The following AP1S3 variants were observed in gnomAD, a reference collection of about 807,000 sequenced individuals.
AP1S3 encodes the protein adaptor related protein complex 1 subunit sigma 3.
AP1S3 carries 10 observed loss-of-function variants against 20.9 expected under a neutral mutation model. That is an observed-to-expected ratio of 0.48 (90% CI 0.29 to 0.81). The LOEUF is 0.81. AP1S3 is among the 30% of genes least tolerant of loss of function. AP1S3 has a pLI of 0.08. For missense variants in AP1S3, 154 were observed against 183.8 expected (o/e 0.84, Z 0.94); for synonymous variants, 41 against 61.5 (o/e 0.67, Z 1.56).
chr2:223,800,227 A>G (rs1691434781), intron 1 of AP1S3, among the ~76,000 whole-genome samples: 1 of 151,814 alleles, frequency 6.6e-6, no homozygotes, highest in African/African-American at 2.4e-5. Context: ...AAAAAAAAAA[A>G]AAGAAAAAAA....
At chr2:223,770,714 C>G (rs1444553122) in intron 3 of AP1S3, among the ~76,000 whole-genome samples, 1 of 144,864 alleles carries the variant, frequency 6.9e-6, no homozygotes, top group African/African-American at 2.6e-5. Flanking sequence ...CAGGAAGACC[C>G]TTAGACCAGT....
At chr2:223,833,829 C>G (rs1692333343) in intron 1 of AP1S3, among the ~76,000 whole-genome samples, 1 of 152,202 alleles carries the variant, frequency 6.6e-6, no homozygotes, top group Non-Finnish European at 1.5e-5. Flanking sequence ...CTTATGGTAC[C>G]TGTTAAACTC....
chr2:223,785,337 C>A (rs1691048219), intron 1 of AP1S3, among the ~76,000 whole-genome samples: 1 of 151,918 alleles, frequency 6.6e-6, no homozygotes, highest in South Asian at 2.1e-4. Flanking sequence ...ACCGAAACTC[C>A]ATCTCAAAAA....
intron 4 of AP1S3, among the ~76,000 whole-genome samples, chr2:223,763,589 C>T (rs1475744885): frequency 6.6e-6 from 1 of 152,122 alleles, no homozygotes; most frequent in Admixed American, 6.5e-5. Context: ...TTCTCAAATA[C>T]CTTGTAAAGT....
At chr2:223,791,728 G>C (rs2106103672) in intron 1 of AP1S3, among the ~76,000 whole-genome samples, 1 of 152,328 alleles carries the variant, frequency 6.6e-6, no homozygotes, top group East Asian at 1.9e-4. Context: ...GATAGGAAGA[G>C]AGGAAGTCAA....
At chr2:223,809,596 ATCGCGCCACTG>A (rs1319542354) in intron 1 of AP1S3, among the ~76,000 whole-genome samples, 1 of 151,726 alleles carries the variant, frequency 6.6e-6, no homozygotes, top group Non-Finnish European at 1.5e-5. Flanking sequence ...GTGAGTCGAG[ATCGCGCCACTG>A]CACTCCAGCC....
intron 3 of AP1S3, among the ~76,000 whole-genome samples, chr2:223,772,401 A>G (rs560064517): frequency 1.3e-5 from 2 of 152,248 alleles, no homozygotes; most frequent in Non-Finnish European, 2.9e-5. Context: ...ACAAACAAAC[A>G]AAAAACTCCC....
At chr2:223,815,785 C>T (rs544841568) in intron 1 of AP1S3, among the ~76,000 whole-genome samples, 1 of 152,148 alleles carries the variant, frequency 6.6e-6, no homozygotes, top group Non-Finnish European at 1.5e-5. Context: ...TACTATGTAA[C>T]AAAACTAATT....
At chr2:223,811,824 CT>C (rs1214334580) in intron 1 of AP1S3, among the ~76,000 whole-genome samples, 2 of 152,178 alleles carry the variant, frequency 1.3e-5, no homozygotes, top group African/African-American at 2.4e-5. Context: ...TGCTTATTCT[CT>C]GCCTGTTTGC....
At chr2:223,760,317 G>A (rs908410316) in intron 4 of AP1S3, among the ~76,000 whole-genome samples, 3 of 152,140 alleles carry the variant, frequency 2.0e-5, no homozygotes, top group African/African-American at 4.8e-5. Flanking sequence ...GAACCTGCCA[G>A]GAAATACGCT....
chr2:223,819,760 T>C (rs1691945023), intron 1 of AP1S3, among the ~76,000 whole-genome samples: 1 of 152,184 alleles, frequency 6.6e-6, no homozygotes, highest in African/African-American at 2.4e-5. Context: ...AAATTAGTAG[T>C]ATATTATAGA....
In AP1S3 at chr2:223,806,848, C is replaced by T. The variant is rs988723829; in HGVS notation, c.4-28979G>A. On this transcript the variant is annotated intron_variant, in intron 1 of 4. Coordinates refer to ENST00000396654, the MANE Select transcript of AP1S3 (RefSeq NM_001039569.2). ...AAAATTAATAGAATAAACAACATTG[C>T]AATGGCTCTCCCAGAGCATAATTTC... 2.0e-5 allele frequency among the ~76,000 whole-genome samples: 3 copies of T among 152,080 alleles called. No individual in the cohort carries two copies. The South Asian group carries it at 6.2e-4, about 32-fold the overall frequency.
At chr2:223,797,151 T>C in intron 1 of AP1S3, among the ~76,000 whole-genome samples, 1 of 152,178 alleles carries the variant, frequency 6.6e-6, no homozygotes, top group East Asian at 1.9e-4. Flanking sequence ...AGGTGTGGCC[T>C]GAACCAACTT....
chr2:223,797,125 G>C (rs1285708554), intron 1 of AP1S3, among the ~76,000 whole-genome samples: 1 of 152,216 alleles, frequency 6.6e-6, no homozygotes, highest in Non-Finnish European at 1.5e-5. Context: ...GCACCAGTTA[G>C]TGGGGATCGG....
intron 1 of AP1S3, among the ~76,000 whole-genome samples, chr2:223,782,794 C>T (rs192430297): frequency 2.4e-4 from 37 of 152,210 alleles, no homozygotes; most frequent in African/African-American, 8.2e-4. Flanking sequence ...AAGATTTAGC[C>T]CCCTCACGTT....
At chr2:223,765,442 T>A in intron 3 of AP1S3, 92 bp from the exon 4 acceptor site, 2 of 1,336,116 alleles carry the variant, frequency 1.5e-6, no homozygotes, top group Non-Finnish European at 2.0e-6. Flanking sequence ...TTTGCACTCA[T>A]GTGGCGTACC....
At chr2:223,776,621 G>T (rs1468570098) in intron 2 of AP1S3, among the ~76,000 whole-genome samples, 1 of 152,176 alleles carries the variant, frequency 6.6e-6, no homozygotes, top group Non-Finnish European at 1.5e-5. Context: ...GTAGGGTGTT[G>T]GATGCAGGGT....
chr2:223,820,433 C>T (rs949924772), intron 1 of AP1S3, among the ~76,000 whole-genome samples: 6 of 151,670 alleles, frequency 4.0e-5, no homozygotes, highest in East Asian at 1.9e-4. Context: ...TTCTGAGGCA[C>T]GGGGTGTGCC....
intron 1 of AP1S3, among the ~76,000 whole-genome samples, chr2:223,805,672 C>A (rs1336926986): frequency 6.6e-6 from 1 of 152,196 alleles, no homozygotes; most frequent in African/African-American, 2.4e-5. Context: ...CTATGTCTAA[C>A]TTCTTATACG....
Sources: allele counts gnomAD v4.1 joint callset (sites outside exome capture counted in the v4.1 genomes callset), GRCh38; gene constraint gnomAD v4.1.1; transcripts MANE v1.5; gene names NCBI Gene and HGNC (gene_info 2026-07-23, HGNC 2026-07-21).